MARCHF4: variants seen among roughly 807,000 people sequenced by gnomAD.
The protein encoded by MARCHF4 is E3 ubiquitin-protein ligase MARCHF4.
In MARCHF4, 14 loss-of-function variants were observed where a neutral mutation model predicts 43.9. The ratio of observed to expected loss-of-function variants is 0.32; its 90% CI spans 0.21 to 0.50. The LOEUF (loss-of-function observed/expected upper bound fraction) is 0.50, where lower values mean the gene tolerates loss of function less well. MARCHF4 is among the 20% of genes least tolerant of loss of function. The pLI is 0.98. For missense variants in MARCHF4, 468 were observed against 536.7 expected (o/e 0.87, Z 1.27); for synonymous variants, 226 against 213.3 (o/e 1.06, Z -0.52).
intron 3 of MARCHF4, among the ~76,000 whole-genome samples, chr2:216,261,144 C>A (rs1690737540): frequency 6.6e-6 from 1 of 152,168 alleles, no homozygotes; most frequent in Non-Finnish European, 1.5e-5. Flanking sequence ...AAATACCACA[C>A]ATCTAGTAGC....
chr2:216,326,399 G>A, intron 1 of MARCHF4, among the ~76,000 whole-genome samples: 1 of 148,018 alleles, frequency 6.8e-6, no homozygotes, highest in Non-Finnish European at 1.5e-5. Flanking sequence ...GGAAGTCAGT[G>A]TGGCCATTCC....
chr2:216,320,141 C>T (rs892456766), intron 1 of MARCHF4, among the ~76,000 whole-genome samples: 1 of 152,132 alleles, frequency 6.6e-6, no homozygotes, highest in African/African-American at 2.4e-5. Flanking sequence ...ATTTAGGGAA[C>T]ATAAGGGACT....
chr2:216,347,658 C>T (rs929529804), intron 1 of MARCHF4, among the ~76,000 whole-genome samples: 4 of 151,370 alleles, frequency 2.6e-5, no homozygotes, highest in South Asian at 2.1e-4. Flanking sequence ...ACCCGGGAGG[C>T]GGAAGTTGCA....
chr2:216,271,937 C>T (rs1397983631), intron 3 of MARCHF4, among the ~76,000 whole-genome samples: 1 of 149,132 alleles, frequency 6.7e-6, no homozygotes, highest in East Asian at 1.9e-4. Context: ...ACTACAGGTG[C>T]ACACCACCAC....
chr2:216,296,359 C>CA (rs960072302), intron 1 of MARCHF4, among the ~76,000 whole-genome samples: 18 of 151,990 alleles, frequency 1.2e-4, no homozygotes, highest in Admixed American at 2.0e-4. Context: ...CAAAACAAAA[C>CA]AAAAAAATCA....
At chr2:216,341,100 G>A (rs1490822652) in intron 1 of MARCHF4, among the ~76,000 whole-genome samples, 1 of 152,144 alleles carries the variant, frequency 6.6e-6, no homozygotes, top group African/African-American at 2.4e-5. Flanking sequence ...GCAGTCACTG[G>A]AACTATTCGG....
intron 1 of MARCHF4, among the ~76,000 whole-genome samples, chr2:216,287,409 C>T (rs1360641763): frequency 6.6e-6 from 1 of 151,998 alleles, no homozygotes; most frequent in African/African-American, 2.4e-5. Flanking sequence ...ATCAAAGGGA[C>T]TCATTAAATG....
chr2:216,306,772 C>T (rs1389402700), intron 1 of MARCHF4, among the ~76,000 whole-genome samples: 1 of 152,010 alleles, frequency 6.6e-6, no homozygotes, highest in Non-Finnish European at 1.5e-5. Context: ...GGTCACTTGC[C>T]CAATCTCATA....
At chr2:216,365,712 C>G (rs942488587) in intron 1 of MARCHF4, among the ~76,000 whole-genome samples, 1 of 152,178 alleles carries the variant, frequency 6.6e-6, no homozygotes, top group African/African-American at 2.4e-5. Flanking sequence ...AGTAGGCACC[C>G]CGCCCACTAG....
intron 3 of MARCHF4, among the ~76,000 whole-genome samples, chr2:216,269,408 C>T (rs955164863): frequency 2.0e-5 from 3 of 152,038 alleles, no homozygotes; most frequent in African/African-American, 2.4e-5. Context: ...GCAGGTGGAA[C>T]GAGGACATTA....
intron 1 of MARCHF4, among the ~76,000 whole-genome samples, chr2:216,368,967 T>G (rs750983797): frequency 6.6e-6 from 1 of 152,070 alleles, no homozygotes; most frequent in African/African-American, 2.4e-5. Context: ...CATATGAGAG[T>G]TGGCATCCCT....
chr2:216,346,395 T>G (rs756889063), intron 1 of MARCHF4, among the ~76,000 whole-genome samples: 1 of 152,160 alleles, frequency 6.6e-6, no homozygotes, highest in Non-Finnish European at 1.5e-5. Flanking sequence ...TGTTGGTTCA[T>G]TCATTCAACA....
chr2:216,333,171 G>T (rs1692106675), intron 1 of MARCHF4, among the ~76,000 whole-genome samples: 1 of 152,210 alleles, frequency 6.6e-6, no homozygotes, highest in Non-Finnish European at 1.5e-5. Context: ...AAGAACATTA[G>T]CTCAGCCAAA....
At chr2:216,312,964 T>A (rs555534955) in intron 1 of MARCHF4, among the ~76,000 whole-genome samples, 69 of 152,304 alleles carry the variant, frequency 4.5e-4, no homozygotes, top group African/African-American at 1.6e-3. Context: ...CCTAGACCAA[T>A]GTCCAGGGAG....
intron 1 of MARCHF4, 40 bp from the exon 2 acceptor site, chr2:216,283,769 C>T (rs1375723647): frequency 6.5e-7 from 1 of 1,538,796 alleles, no homozygotes; most frequent in South Asian, 1.2e-5. Context: ...CTGAGACCTA[C>T]AGTGGCTGGT....
intron 1 of MARCHF4, among the ~76,000 whole-genome samples, chr2:216,361,840 G>T (rs1395608686): frequency 6.6e-6 from 1 of 152,134 alleles, no homozygotes; most frequent in East Asian, 1.9e-4. Context: ...TGATCTGAGG[G>T]CTCCATTCCA....
At chr2:216,290,261 A>C (rs1691288245) in intron 1 of MARCHF4, among the ~76,000 whole-genome samples, 1 of 152,170 alleles carries the variant, frequency 6.6e-6, no homozygotes, top group African/African-American at 2.4e-5. Flanking sequence ...TTGAGTGAAG[A>C]GCTGAGGAAA....
intron 3 of MARCHF4, among the ~76,000 whole-genome samples, chr2:216,263,803 C>G (rs2105931419): frequency 6.6e-6 from 1 of 152,180 alleles, no homozygotes; most frequent in East Asian, 1.9e-4. Context: ...AGGGAACACA[C>G]AGAGAGGAGG....
intron 3 of MARCHF4, among the ~76,000 whole-genome samples, chr2:216,269,866 G>C (rs1690904314): frequency 6.6e-6 from 1 of 152,172 alleles, no homozygotes; most frequent in Non-Finnish European, 1.5e-5. Flanking sequence ...TGGCCTTTGT[G>C]ACTCAGTCCT....
Sources: allele counts gnomAD v4.1 joint callset (sites outside exome capture counted in the v4.1 genomes callset), GRCh38; gene constraint gnomAD v4.1.1; transcripts MANE v1.5; gene names NCBI Gene and HGNC (gene_info 2026-07-23, HGNC 2026-07-21).